GATM: variants seen among roughly 807,000 people sequenced by gnomAD.
The protein encoded by GATM is glycine amidinotransferase, mitochondrial.
Under a neutral mutation model 54.2 loss-of-function variants are expected in GATM, and 23 were observed. The observed-to-expected ratio is 0.42, with a 90% CI of 0.31 to 0.60. The LOEUF is 0.60. GATM is among the 20% of genes least tolerant of loss of function. The pLI, the probability that GATM is intolerant of heterozygous loss-of-function variation, is 0.14. For missense variants in GATM, 401 were observed against 544.9 expected, an observed-to-expected ratio of 0.74 and a Z score of 2.63; for synonymous variants, 168 against 183.1, an observed-to-expected ratio of 0.92 and a Z score of 0.67.
intron 6 of GATM, 128 bp from the exon 7 acceptor site, chr15:45,364,988 AAATT>A (rs1172660471): frequency 7.9e-6 from 6 of 761,650 alleles, no homozygotes; most frequent in Non-Finnish European, 1.3e-5. Context: ...CAAAAGAAAG[AAATT>A]AAAATTTCTA....
intron 2 of GATM, among the ~76,000 whole-genome samples, chr15:45,398,153 AAGG>A: frequency 6.6e-6 from 1 of 152,194 alleles, no homozygotes. Context: ...TCATGAAGGC[AAGG>A]ATTACAGTGT....
chr15:45,383,162 C>A (rs181744318), upstream of GATM, among the ~76,000 whole-genome samples: 1 of 152,138 alleles, frequency 6.6e-6, no homozygotes, highest in Non-Finnish European at 1.5e-5. Context: ...ACCAGAGCTC[C>A]CTCTTTGGTA....
intron 3 of GATM, among the ~76,000 whole-genome samples, chr15:45,387,220 T>C (rs149323827): frequency 6.6e-6 from 1 of 152,190 alleles, no homozygotes; most frequent in Admixed American, 6.5e-5. Flanking sequence ...AGGGGACAGA[T>C]TTCAGACATT....
Position 45,366,508 on chromosome 15 carries a change from C to A in GATM, c.676G>T (p.Asp226Tyr). 1.9e-6 allele frequency: 3 copies of A among 1,613,908 alleles called. No individual in the cohort carries two copies. The African/African-American group carries it at 4.0e-5, about 22-fold the overall frequency. ...TCTTCTACAGAGTGGATGGGATAAT[C>A]CTAATTGGAACAAGAATGAACACAC... ...PTMADELYNQ[D>Y]YPIHSVEDRH... Residue 226 changes from aspartate (D) to tyrosine (Y), a missense_variant and splice_region_variant, in exon 5 of 9, where the codon GAT (aspartate) becomes TAT (tyrosine). Coordinates refer to ENST00000396659, the MANE Select transcript of GATM (RefSeq NM_001482.3).
At chr15:45,383,837 C>T (rs1270089317) in intron 3 of GATM, among the ~76,000 whole-genome samples, 8 of 152,120 alleles carry the variant, frequency 5.3e-5, no homozygotes, top group Admixed American at 4.6e-4. Context: ...CCACCATGCC[C>T]GGCCAGCTTC....
intron 2 of GATM, among the ~76,000 whole-genome samples, chr15:45,373,650 T>G (rs2140653288): frequency 6.6e-6 from 1 of 152,284 alleles, no homozygotes; most frequent in Non-Finnish European, 1.5e-5. Context: ...AGTACTTATA[T>G]CTTCCAACAT....
intron 6 of GATM, among the ~76,000 whole-genome samples, chr15:45,365,086 A>G (rs1206022012): frequency 6.6e-6 from 1 of 152,240 alleles, no homozygotes; most frequent in Non-Finnish European, 1.5e-5. Context: ...CAGAAATGTT[A>G]CAGCTTTTAA....
In GATM at chr15:45,366,223, G is replaced by A. The variant is rs759872969; in HGVS notation, c.814-13C>T. ...GGTAGTTTGTAACCTGAAAACAAAA[G>A]AAAGACATACGATCGATAAATATTT... is the stretch of plus-strand genomic sequence containing the variant. On this transcript the variant is annotated splice_polypyrimidine_tract_variant and intron_variant, in intron 5 of 8. Transcript: ENST00000396659. The A allele has an allele frequency of 6.2e-7, 1 of 1,613,906 alleles. No homozygotes were observed. Among genetic ancestry groups the A allele is most frequent in the East Asian group, 2.2e-5 (1 of 44,876 alleles).
chr15:45,395,451 A>T (rs1889917533), intron 3 of GATM, among the ~76,000 whole-genome samples: 1 of 152,236 alleles, frequency 6.6e-6, no homozygotes, highest in Non-Finnish European at 1.5e-5. Flanking sequence ...TTAAACACCT[A>T]GCATTTTGCT....
upstream of GATM, chr15:45,379,523 G>A (rs192088767): frequency 6.6e-6 from 1 of 152,224 alleles, no homozygotes; most frequent in African/African-American, 2.4e-5. Flanking sequence ...GAGGGAATTA[G>A]GATAACTGAG....
intron 8 of GATM, among the ~76,000 whole-genome samples, chr15:45,362,779 C>G (rs1222878993): frequency 6.6e-6 from 1 of 152,112 alleles, no homozygotes; most frequent in Non-Finnish European, 1.5e-5. Context: ...AATCTGGTAC[C>G]ATCTGTAATG....
Position 45,378,485 on chromosome 15 carries a change from G to A in GATM, c.-32C>T. ...GGCCCGGCTGGTCCACGCGCGGAATGTTCCTGGCCTCTGGGCCGCGTCGGT... is the reference window on the plus strand; with the variant it reads ...GGCCCGGCTGGTCCACGCGCGGAATATTCCTGGCCTCTGGGCCGCGTCGGT... On this transcript the variant is annotated 5_prime_UTR_variant, in exon 1 of 9. Transcript: ENST00000396659. The A allele has an allele frequency of 1.4e-6, 2 of 1,395,308 alleles. No homozygotes were observed. The highest frequency in any genetic ancestry group is 3.0e-5 in the African/African-American group (2 of 65,934). The allele number at this position is 1,395,308 out of a possible 1,614,324, so 86.4% of individuals were successfully genotyped here.
At chr15:45,362,251 G>C (rs746515017) in intron 8 of GATM, 30 bp from the exon 9 acceptor site, 3 of 1,307,136 alleles carry the variant, frequency 2.3e-6, no homozygotes, top group East Asian at 4.6e-5. Flanking sequence ...AGGTCAGTTA[G>C]ATGGACTAAC....
rs369580400 is a variant in GATM at position 45,368,090 on chromosome 15, C to T, written c.655G>A (p.Ala219Thr). 6.8e-6 allele frequency: 11 copies of T among 1,613,944 alleles called. No individual in the cohort carries two copies. In the African/African-American group the frequency reaches 1.1e-4, roughly 16 times the overall value. The change falls in exon 4 of 9, where the codon GCT becomes ACT. Residue 219 changes from alanine (A) to threonine (T), a missense_variant. This residue lies in a region of GATM where 321 missense variants were observed against 457.5 expected (regional missense o/e 0.70). Coordinates refer to ENST00000396659, the MANE Select transcript of GATM (RefSeq NM_001482.3). The surrounding 1 kb of genome is among the most constrained non-coding windows in gnomAD (Gnocchi z 5.1). The stretch of plus-strand genomic sequence containing the variant: ...CTCACCTGGTTATAAAGCTCATCAG[C>T]CATTGTGGGCTTAGGAGCTGTTGTC... Reference protein sequence around the residue: ...KWTTAPKPTMADELYNQDYPI... With the variant: ...KWTTAPKPTMTDELYNQDYPI...
rs770332433 is a variant in GATM at position 45,368,278 on chromosome 15, T to C, written c.485-18A>G. On this transcript the variant is annotated intron_variant, in intron 3 of 8. Transcript: ENST00000396659. This position sits in a 1 kb window ranked among gnomAD's most constrained non-coding sequence, Gnocchi z 5.1. Reference sequence around the variant, plus strand: ...GTATAAACCTGTCAGACCAAAAAATTCCATGACAACTTCAGTAGTGTTAAT... The same window carrying C: ...GTATAAACCTGTCAGACCAAAAAATCCCATGACAACTTCAGTAGTGTTAAT... 8.1e-6 allele frequency: 13 copies of C among 1,611,076 alleles called. No homozygotes were observed. Among genetic ancestry groups the C allele is most frequent in the African/African-American group, 2.7e-5 (2 of 74,820 alleles).
chr15:45,391,906 A>G (rs1889877408), intron 3 of GATM, among the ~76,000 whole-genome samples: 1 of 152,258 alleles, frequency 6.6e-6, no homozygotes, highest in South Asian at 2.1e-4. Flanking sequence ...TGTGTACCTC[A>G]GACAGTGGCA....
Position 45,378,503 on chromosome 15 carries a change from G to T in GATM, c.-50C>A. On this transcript the variant is annotated 5_prime_UTR_variant, in exon 1 of 9. Coordinates refer to ENST00000396659, the MANE Select transcript of GATM (RefSeq NM_001482.3). ...GCGGAATGTTCCTGGCCTCTGGGCC[G>T]CGTCGGTCCAAGCCTTCCCGAGAGC... is the stretch of plus-strand genomic sequence containing the variant. 7.5e-7 allele frequency: 1 copy of T among 1,337,356 alleles called. No homozygotes were observed. Among genetic ancestry groups the T allele is most frequent in the Non-Finnish European group, 9.6e-7 (1 of 1,042,208 alleles). The allele number at this position is 1,337,356 out of a possible 1,614,324, so 82.8% of individuals were successfully genotyped here. A position where few individuals can be genotyped will look rare whatever the true frequency, so the allele number is the denominator to read the frequency against.
chr15:45,373,208 A>G (rs1428074349), intron 2 of GATM: 2 of 152,216 alleles, frequency 1.3e-5, no homozygotes, highest in Non-Finnish European at 2.9e-5. Flanking sequence ...AACAAAAAAC[A>G]TATTTGAGGC....
chr15:45,400,971 T>C (rs1889995387), intron 1 of GATM, among the ~76,000 whole-genome samples: 1 of 151,866 alleles, frequency 6.6e-6, no homozygotes, highest in Non-Finnish European at 1.5e-5. Context: ...GATGGCTTTT[T>C]TTTTATTTCA....
Sources: allele counts gnomAD v4.1 joint callset (sites outside exome capture counted in the v4.1 genomes callset), GRCh38; gene constraint gnomAD v4.1.1; regional missense constraint gnomAD v4.1.1; non-coding constraint Gnocchi (gnomAD v3.1); transcripts MANE v1.5; gene names NCBI Gene and HGNC (gene_info 2026-07-23, HGNC 2026-07-21).